DCAF6: variants seen among roughly 807,000 people sequenced by gnomAD.
DCAF6 encodes the protein DDB1- and CUL4-associated factor 6.
In DCAF6, 54 loss-of-function variants were observed where a neutral mutation model predicts 125.1. That is an observed-to-expected ratio of 0.43 (90% confidence interval 0.35 to 0.54). The LOEUF (loss-of-function observed/expected upper bound fraction) is 0.54, where lower values mean the gene tolerates loss of function less well. Ranked by LOEUF, DCAF6 falls within the 20% of genes least tolerant of loss-of-function variation. The pLI is 0.01. For synonymous variants in DCAF6, 371 were observed against 390.4 expected (o/e 0.95, Z 0.58); for missense variants, 934 against 1,161.7 (o/e 0.80, Z 2.85).
At chr1:167,926,929 A>G in the DCAF6 span, among the ~76,000 whole-genome samples, 1 of 152,322 alleles carries the variant, frequency 6.6e-6, no homozygotes, top group African/African-American at 2.4e-5. Context: ...AGGTTAGGCT[A>G]AATTGCTCCT....
the DCAF6 span, chr1:167,904,934 G>A: frequency 6.2e-7 from 1 of 1,612,724 alleles, no homozygotes; most frequent in South Asian, 1.1e-5. Flanking sequence ...CTCTGCATGT[G>A]AATTCCCACG....
intron 15 of DCAF6, 73 bp from the exon 16 acceptor site, chr1:168,044,827 G>A: frequency 6.6e-7 from 1 of 1,522,192 alleles, no homozygotes; most frequent in Non-Finnish European, 8.9e-7. Context: ...GTGTTTGTGA[G>A]CTCCTAAGTT....
At chr1:168,060,475 C>A (rs1047563256) in intron 17 of DCAF6, among the ~76,000 whole-genome samples, 1 of 152,166 alleles carries the variant, frequency 6.6e-6, no homozygotes, top group Non-Finnish European at 1.5e-5. Context: ...GGTGAGCCAC[C>A]GTGCCTGGCC....
intron 1 of DCAF6, among the ~76,000 whole-genome samples, chr1:167,946,014 T>C (rs1318582895): frequency 1.4e-5 from 2 of 144,326 alleles, no homozygotes; most frequent in East Asian, 4.2e-4. Flanking sequence ...TGGAGTGCAA[T>C]GGCACAATCT....
At chr1:167,902,597 C>T in the DCAF6 span, among the ~76,000 whole-genome samples, 3 of 152,328 alleles carry the variant, frequency 2.0e-5, no homozygotes, top group Admixed American at 6.5e-5. Context: ...TGGTTAAGCA[C>T]CTGTTGTGCC....
intron 4 of DCAF6, among the ~76,000 whole-genome samples, chr1:167,982,123 G>A (rs1679271068): frequency 6.6e-6 from 1 of 152,198 alleles, no homozygotes; most frequent in South Asian, 2.1e-4. Flanking sequence ...TCTGAGATTA[G>A]TGGATGTGGA....
At chr1:168,025,354 A>G (rs868568593) in intron 12 of DCAF6, among the ~76,000 whole-genome samples, 21 of 152,156 alleles carry the variant, frequency 1.4e-4, no homozygotes, top group African/African-American at 4.6e-4. Flanking sequence ...TTGGAAATAG[A>G]AATCAGGTGG....
the DCAF6 span, among the ~76,000 whole-genome samples, chr1:167,885,192 A>T: frequency 1.3e-5 from 2 of 152,106 alleles, no homozygotes; most frequent in Admixed American, 6.5e-5. Flanking sequence ...TTCTCTGTTG[A>T]TGGACACTTA....
chr1:167,879,500 C>T, the DCAF6 span, among the ~76,000 whole-genome samples: 2 of 152,206 alleles, frequency 1.3e-5, no homozygotes, highest in East Asian at 3.9e-4. Flanking sequence ...TCACCCCATC[C>T]CAACAAGCCA....
intron 14 of DCAF6, among the ~76,000 whole-genome samples, chr1:168,043,366 C>T (rs959185848): frequency 6.6e-6 from 1 of 151,928 alleles, no homozygotes; most frequent in Non-Finnish European, 1.5e-5. Flanking sequence ...GACACAGTGG[C>T]CAGGATAGTT....
rs752747972 is a variant in DCAF6, at chr1:168,004,618, A to C, written c.1203A>C (p.Val401=). ...AAGTGAGTGAAACTGCAATGGAAGT[A>C]GATACTCCAGCTGAACAATTTCTTC... ...DLEVSETAME[V]DTPAEQFLQP... Residue 401 remains valine, a synonymous_variant, in exon 10 of 22, where the codon GTA becomes GTC. Coordinates refer to ENST00000367840, the MANE Select transcript of DCAF6 (RefSeq NM_001198956.2). 1.2e-6 allele frequency: 2 copies of C among 1,613,096 alleles called. No individual in the cohort carries two copies. The highest frequency in any genetic ancestry group is 1.7e-6 in the Non-Finnish European group (2 of 1,179,492).
At chr1:167,924,477 C>T in the DCAF6 span, 12 of 1,586,256 alleles carry the variant, frequency 7.6e-6, no homozygotes, top group South Asian at 2.3e-5. Context: ...CAGTAGCTTC[C>T]GTAAAAACTC....
intron 12 of DCAF6, among the ~76,000 whole-genome samples, chr1:168,029,896 C>T (rs550389259): frequency 2.6e-5 from 4 of 151,608 alleles, no homozygotes; most frequent in South Asian, 4.2e-4. Context: ...GGGAGAATGG[C>T]GTGAACCCAG....
At chr1:167,905,230 A>G in the DCAF6 span, 4 of 1,417,978 alleles carry the variant, frequency 2.8e-6, no homozygotes, top group Non-Finnish European at 2.0e-6. Flanking sequence ...AGGAAATCTG[A>G]TATATTCATT....
intron 7 of DCAF6, among the ~76,000 whole-genome samples, chr1:167,996,611 A>ATTC (rs1681742690): frequency 1.3e-5 from 2 of 152,174 alleles, no homozygotes; most frequent in Non-Finnish European, 2.9e-5. Context: ...TCTCATCAAC[A>ATTC]TTCTAAGTGG....
intron 12 of DCAF6, among the ~76,000 whole-genome samples, chr1:168,024,753 G>A (rs539211659): frequency 2.0e-5 from 3 of 149,798 alleles, no homozygotes; most frequent in Admixed American, 1.3e-4. Context: ...ACAGTGAGCC[G>A]AGATTGCGCC....
chr1:167,896,723 A>T, the DCAF6 span: 1 of 1,427,800 alleles, frequency 7.0e-7, no homozygotes, highest in South Asian at 1.1e-5. Flanking sequence ...GTTTTCAGTT[A>T]TTCTGAGAAC....
At chr1:167,920,020 A>G in the DCAF6 span, 11 of 1,613,676 alleles carry the variant, frequency 6.8e-6, no homozygotes, top group Admixed American at 8.3e-5. Context: ...CTGCCCCCAC[A>G]AAGAAATTAA....
At chr1:168,041,906 A>G (rs1212427307) in intron 13 of DCAF6, among the ~76,000 whole-genome samples, 2 of 150,832 alleles carry the variant, frequency 1.3e-5, no homozygotes, top group African/African-American at 4.9e-5. Flanking sequence ...ACACACACAC[A>G]CACACACACA....
Sources: allele counts gnomAD v4.1 joint callset (sites outside exome capture counted in the v4.1 genomes callset), GRCh38; gene constraint gnomAD v4.1.1; transcripts MANE v1.5; gene names NCBI Gene and HGNC (gene_info 2026-07-23, HGNC 2026-07-21).